IL1RAPL1: variants seen among roughly 807,000 people sequenced by gnomAD.
The protein encoded by IL1RAPL1 is interleukin 1 receptor accessory protein like 1.
In IL1RAPL1, 3 loss-of-function variants were observed where a neutral mutation model predicts 48.4. The ratio of observed to expected loss-of-function variants is 0.06; its 90% CI spans 0.03 to 0.16. The LOEUF (loss-of-function observed/expected upper bound fraction) is 0.16, where lower values mean the gene tolerates loss of function less well. Ranked by LOEUF, IL1RAPL1 falls within the 10% of genes least tolerant of loss-of-function variation. IL1RAPL1 has a pLI of 1.00. For synonymous variants in IL1RAPL1, 185 were observed against 187.7 expected (o/e 0.99, Z 0.12); for missense variants, 349 against 530.6 (o/e 0.66, Z 3.36).
At chrX:28,958,108 A>G (rs1213260253) in intron 2 of IL1RAPL1, among the ~76,000 whole-genome samples, 1 of 111,580 alleles carries the variant, frequency 9.0e-6, no homozygotes, top group Non-Finnish European at 1.9e-5. Flanking sequence ...CCTCACATAC[A>G]TACCATCTTT....
At chrX:28,790,093 T>C (rs1205020040) in intron 2 of IL1RAPL1, among the ~76,000 whole-genome samples, 2 of 112,321 alleles carry the variant, frequency 1.8e-5, no homozygotes, top group East Asian at 2.8e-4. Flanking sequence ...TGTGAAGTTG[T>C]ATCTTGTCTA....
At chrX:29,950,802 G>A (rs750505173) in intron 9 of IL1RAPL1, among the ~76,000 whole-genome samples, 17 of 108,015 alleles carry the variant, frequency 1.6e-4, no homozygotes, top group African/African-American at 4.7e-4. Context: ...TCAGCCTCCC[G>A]AGTAGCTGGG....
At chrX:29,203,723 AT>A (rs1285915552) in intron 2 of IL1RAPL1, among the ~76,000 whole-genome samples, 8 of 1,022 alleles carry the variant, frequency 7.8e-3, no homozygotes, top group East Asian at 0.062. Flanking sequence ...CCGTCTCAAA[AT>A]ATATATATAT....
At chrX:29,465,892 T>C (rs1262518216) in intron 5 of IL1RAPL1, among the ~76,000 whole-genome samples, 1 of 111,518 alleles carries the variant, frequency 9.0e-6, no homozygotes, top group Non-Finnish European at 1.9e-5. Context: ...ACCAATAGGA[T>C]GCTCATACTG....
chrX:29,677,290 CTTACT>C (rs1926313334), intron 6 of IL1RAPL1, among the ~76,000 whole-genome samples: 1 of 111,759 alleles, frequency 8.9e-6, no homozygotes, highest in African/African-American at 3.3e-5. Context: ...CCTGTCAAAC[CTTACT>C]TTATCAACTT....
chrX:29,423,993 C>T (rs377564866), intron 5 of IL1RAPL1, among the ~76,000 whole-genome samples: 22 of 111,168 alleles, frequency 2.0e-4, no homozygotes, highest in East Asian at 8.5e-4. Context: ...GAGACCTCTT[C>T]GAGCAGATAT....
intron 5 of IL1RAPL1, among the ~76,000 whole-genome samples, chrX:29,559,436 C>T (rs1415486002): frequency 3.6e-5 from 4 of 111,851 alleles, no homozygotes; most frequent in African/African-American, 1.3e-4. Flanking sequence ...TAGAATTCCG[C>T]AGTGAAGCCA....
chrX:29,837,015 T>C (rs1260450299), intron 6 of IL1RAPL1, among the ~76,000 whole-genome samples: 1 of 108,768 alleles, frequency 9.2e-6, no homozygotes, highest in Non-Finnish European at 1.9e-5. Flanking sequence ...ATCCCAGCAC[T>C]TTGGGAGGCC....
At chrX:29,358,110 A>G (rs1233857648) in intron 3 of IL1RAPL1, among the ~76,000 whole-genome samples, 1 of 111,190 alleles carries the variant, frequency 9.0e-6, no homozygotes, top group East Asian at 2.8e-4. Flanking sequence ...TTTGGGCAAG[A>G]GGGGTTCTAG....
At chrX:29,363,862 C>T (rs1161027858) in intron 3 of IL1RAPL1, among the ~76,000 whole-genome samples, 1 of 111,289 alleles carries the variant, frequency 9.0e-6, no homozygotes, top group East Asian at 2.8e-4. Context: ...TCACCTCTCA[C>T]CAGGCTCCAC....
chrX:28,875,512 A>G (rs1381389132), intron 2 of IL1RAPL1, among the ~76,000 whole-genome samples: 1 of 111,935 alleles, frequency 8.9e-6, no homozygotes. Flanking sequence ...CTATTTCAGG[A>G]TGGAGTTGCT....
At chrX:29,363,831 T>C (rs1933409693) in intron 3 of IL1RAPL1, among the ~76,000 whole-genome samples, 1 of 107,073 alleles carries the variant, frequency 9.3e-6, no homozygotes, top group Non-Finnish European at 1.9e-5. Flanking sequence ...CCATTCATGA[T>C]GGACCAAGCC....
intron 2 of IL1RAPL1, among the ~76,000 whole-genome samples, chrX:29,112,049 C>T (rs1359396623): frequency 1.9e-5 from 2 of 106,807 alleles, no homozygotes; most frequent in East Asian, 3.0e-4. Flanking sequence ...CTCACCTCTG[C>T]CCCCCGAGTA....
chrX:29,909,939 C>T (rs2159306), intron 6 of IL1RAPL1, among the ~76,000 whole-genome samples: 15,917 of 110,592 alleles, frequency 0.14, 900 homozygotes, highest in Middle Eastern at 0.17. Context: ...TTGTTTTTAC[C>T]ATAAAGACAC....
intron 2 of IL1RAPL1, among the ~76,000 whole-genome samples, chrX:28,894,349 G>T (rs1922850498): frequency 9.0e-6 from 1 of 111,519 alleles, no homozygotes; most frequent in African/African-American, 3.3e-5. Flanking sequence ...TGGCGATTAG[G>T]CCTGGTGGAA....
chrX:28,864,352 T>A (rs1192075010), intron 2 of IL1RAPL1, among the ~76,000 whole-genome samples: 1 of 112,184 alleles, frequency 8.9e-6, no homozygotes, highest in Non-Finnish European at 1.9e-5. Context: ...CTATACCATG[T>A]CCAGGTTAAG....
At chrX:29,657,223 C>A (rs1169637318) in intron 5 of IL1RAPL1, among the ~76,000 whole-genome samples, 1 of 111,782 alleles carries the variant, frequency 8.9e-6, no homozygotes, top group African/African-American at 3.2e-5. Flanking sequence ...TATCATAGGG[C>A]AGAATTTTTC....
At chrX:28,690,209 A>G (rs1047257936) in intron 1 of IL1RAPL1, among the ~76,000 whole-genome samples, 1 of 111,309 alleles carries the variant, frequency 9.0e-6, no homozygotes, top group East Asian at 2.8e-4. Context: ...TCACCTCCCA[A>G]CTGACAGCTT....
intron 5 of IL1RAPL1, among the ~76,000 whole-genome samples, chrX:29,618,805 G>C (rs145840498): frequency 9.8e-4 from 109 of 111,787 alleles, no homozygotes; most frequent in African/African-American, 3.3e-3. Context: ...TGGGGACCAG[G>C]AATCAGCCTA....
Sources: gnomAD v4.1 joint callset for allele counts (sites outside exome capture counted in the v4.1 genomes callset) on GRCh38, gnomAD v4.1.1 for gene constraint, MANE v1.5 for transcripts, NCBI Gene and HGNC (gene_info 2026-07-23, HGNC 2026-07-21) for gene names.